The following SLIT3 variants were observed in gnomAD, a reference collection of about 807,000 sequenced individuals.
SLIT3 encodes the protein slit homolog 3 protein.
A neutral mutation model predicts 184.0 loss-of-function variants in SLIT3; 68 were observed. The observed-to-expected ratio is 0.37, with a 90% CI of 0.30 to 0.45. The LOEUF (loss-of-function observed/expected upper bound fraction) is 0.45. Among genes scored for constraint, SLIT3 ranks in the 20% least tolerant of loss-of-function variants. The pLI, the probability that SLIT3 is intolerant of heterozygous loss-of-function variation, is 1.00. For synonymous variants in SLIT3, 831 were observed against 828.6 expected, an observed-to-expected ratio of 1.00 and a Z score of -0.05; for missense variants, 1,707 against 2,026.0, an observed-to-expected ratio of 0.84 and a Z score of 3.02.
chr5:168,744,057 G>A (rs1424638004), intron 20 of SLIT3, among the ~76,000 whole-genome samples: 6 of 152,168 alleles, frequency 3.9e-5, no homozygotes, highest in African/African-American at 1.4e-4. Context: ...TGGGAATCCG[G>A]GGCGGGTGGA....
Position 168,669,694 on chromosome 5 carries a change from G to T in SLIT3, c.4336+89C>A. ...ACCAAGGTCATGCAGCCTTTAAGTG[G>T]CACAGCCAGAACTGGAACTGAGGTG... is the stretch of plus-strand genomic sequence containing the variant. On this transcript the variant is annotated intron_variant, in intron 35 of 35. Transcript: ENST00000519560. The T allele has an allele frequency of 6.6e-6, 7 of 1,061,430 alleles. No homozygotes were observed. In the South Asian group the frequency reaches 7.0e-5, roughly 11 times the overall value. The allele number at this position is 1,061,430 out of a possible 1,614,324, so 65.8% of individuals were successfully genotyped here.
intron 26 of SLIT3, chr5:168,707,627 A>C (rs1186397338): frequency 1.0e-5 from 2 of 199,816 alleles, no homozygotes; most frequent in Non-Finnish European, 2.0e-5. Flanking sequence ...TCCCTTTAGA[A>C]GGGAAATTGG....
chr5:168,686,939 G>A, intron 30 of SLIT3, 40 bp downstream of exon 30: 1 of 1,602,348 alleles, frequency 6.2e-7, no homozygotes, highest in Non-Finnish European at 8.5e-7. Flanking sequence ...CTGCCACCTG[G>A]CCCAGGCTGT....
intron 3 of SLIT3, among the ~76,000 whole-genome samples, chr5:169,207,360 TACACATACATAC>T (rs1238876507): frequency 3.2e-5 from 3 of 92,322 alleles, no homozygotes; most frequent in South Asian, 7.3e-4. Flanking sequence ...CTGTTTTACA[TACACATACATAC>T]ACACACACAC....
At chr5:169,269,825 GCTT>G (rs1766537692) in intron 1 of SLIT3, among the ~76,000 whole-genome samples, 1 of 152,180 alleles carries the variant, frequency 6.6e-6, no homozygotes, top group African/African-American at 2.4e-5. Flanking sequence ...ACCATATCTT[GCTT>G]ATTATGACAA....
chr5:168,967,642 G>A (rs1021975933), intron 4 of SLIT3, among the ~76,000 whole-genome samples: 9 of 138,964 alleles, frequency 6.5e-5, no homozygotes, highest in African/African-American at 2.0e-4. Flanking sequence ...GGGTTTCACC[G>A]TTTTAGCCGG....
intron 4 of SLIT3, among the ~76,000 whole-genome samples, chr5:168,889,634 T>G (rs1760362397): frequency 6.6e-6 from 1 of 152,340 alleles, no homozygotes; most frequent in Admixed American, 6.5e-5. Context: ...CATTCAGATG[T>G]TTAATACTGA....
At position 168,673,165 on chromosome 5, in the gene SLIT3, A is replaced by G. The variant is rs1761305341; in HGVS notation, c.3841+12T>C. Reference sequence around the variant, plus strand: ...AGAGGGAGGTAGAGGTGGTAGGGAAAGAGGGCATTACCTCCAAGGTAGAGG... The same window carrying G: ...AGAGGGAGGTAGAGGTGGTAGGGAAGGAGGGCATTACCTCCAAGGTAGAGG... On this transcript the variant is annotated intron_variant, in intron 33 of 35. Transcript: ENST00000519560. 1.9e-6 allele frequency: 3 copies of G among 1,613,522 alleles called. No individual in the cohort carries two copies. The highest frequency in any genetic ancestry group is 2.5e-6 in the Non-Finnish European group (3 of 1,179,536).
chr5:168,979,968 G>A lies in SLIT3; in HGVS notation c.414-96632C>T, dbSNP rs905163203. ...TAGGCTCACTTCACAAAAAACCCTCGGAGAACAGGAACTGGGCAAAAAGGG... is the reference window on the plus strand; with the variant it reads ...TAGGCTCACTTCACAAAAAACCCTCAGAGAACAGGAACTGGGCAAAAAGGG... On this transcript the variant is annotated intron_variant, in intron 4 of 35. Transcript: ENST00000519560. 1.3e-5 allele frequency among the ~76,000 whole-genome samples: 2 copies of A among 152,098 alleles called. 1 individual carries two copies. Among genetic ancestry groups the A allele is most frequent in the Middle Eastern group, 6.8e-3 (2 of 294 alleles).
intron 4 of SLIT3, among the ~76,000 whole-genome samples, chr5:169,042,532 G>T (rs1304562998): frequency 6.6e-6 from 1 of 152,164 alleles, no homozygotes; most frequent in African/African-American, 2.4e-5. Context: ...TTATTACAGC[G>T]AGAGCACTTT....
At chr5:169,276,111 C>A (rs556193906) in intron 1 of SLIT3, among the ~76,000 whole-genome samples, 1 of 152,076 alleles carries the variant, frequency 6.6e-6, no homozygotes, top group Non-Finnish European at 1.5e-5. Context: ...AGCAATTGAA[C>A]GCTACACGAA....
intron 12 of SLIT3, among the ~76,000 whole-genome samples, chr5:168,784,231 A>G (rs894061339): frequency 7.9e-4 from 121 of 152,348 alleles, no homozygotes; most frequent in Non-Finnish European, 2.2e-4. Flanking sequence ...AACTAGCCTT[A>G]TGGTGGCAGT....
At chr5:169,170,368 C>A (rs1291843776) in intron 4 of SLIT3, among the ~76,000 whole-genome samples, 3 of 152,136 alleles carry the variant, frequency 2.0e-5, no homozygotes, top group African/African-American at 7.2e-5. Context: ...AAGAGAGAGC[C>A]CTGCTAGGGG....
At chr5:169,066,856 TAAGA>T (rs1047243381) in intron 4 of SLIT3, among the ~76,000 whole-genome samples, 3 of 149,082 alleles carry the variant, frequency 2.0e-5, no homozygotes, top group Admixed American at 6.8e-5. Flanking sequence ...TGGCTGAACT[TAAGA>T]AATGATTTTG....
At chr5:169,251,121 G>C (rs1230519610) in intron 2 of SLIT3, among the ~76,000 whole-genome samples, 1 of 152,222 alleles carries the variant, frequency 6.6e-6, no homozygotes, top group Non-Finnish European at 1.5e-5. Context: ...TAGAAGCTGG[G>C]CATGGTGATT....
intron 32 of SLIT3, among the ~76,000 whole-genome samples, chr5:168,679,645 A>G (rs1761521205): frequency 6.6e-6 from 1 of 152,102 alleles, no homozygotes; most frequent in African/African-American, 2.4e-5. Context: ...CTAGGTGGCG[A>G]TAGAGCCTCG....
chr5:169,133,288 T>C (rs1761371817), intron 4 of SLIT3, among the ~76,000 whole-genome samples: 2 of 152,258 alleles, frequency 1.3e-5, no homozygotes, highest in Non-Finnish European at 2.9e-5. Flanking sequence ...TGTTTGTCAA[T>C]GCACTCTGTG....
At chr5:168,911,584 T>G (rs969533587) in intron 4 of SLIT3, among the ~76,000 whole-genome samples, 5 of 152,224 alleles carry the variant, frequency 3.3e-5, no homozygotes, top group African/African-American at 4.8e-5. Flanking sequence ...TCTGGCAGCA[T>G]GAAATGCCAT....
chr5:169,260,824 G>A (rs948456567), intron 1 of SLIT3, among the ~76,000 whole-genome samples: 1 of 152,152 alleles, frequency 6.6e-6, no homozygotes, highest in Non-Finnish European at 1.5e-5. Flanking sequence ...CGTGGTCTCT[G>A]CCCATAAGAA....
Sources: allele counts gnomAD v4.1 joint callset (sites outside exome capture counted in the v4.1 genomes callset), GRCh38; gene constraint gnomAD v4.1.1; transcripts MANE v1.5; gene names NCBI Gene and HGNC (gene_info 2026-07-23, HGNC 2026-07-21).